ARHGAP5: variants seen among roughly 807,000 people sequenced by gnomAD.
ARHGAP5 encodes the protein Rho GTPase activating protein 5.
ARHGAP5 carries 23 observed loss-of-function variants against 116.6 expected under a neutral mutation model. The observed-to-expected ratio is 0.20, with a 90% CI of 0.14 to 0.28. ARHGAP5 has a LOEUF of 0.28. ARHGAP5 is among the 10% of genes least tolerant of loss of function. ARHGAP5 has a pLI of 1.00. For synonymous variants in ARHGAP5, 574 were observed against 602.0 expected, an observed-to-expected ratio of 0.95 and a Z score of 0.68; for missense variants, 1,405 against 1,774.8, an observed-to-expected ratio of 0.79 and a Z score of 3.74.
Position 32,093,859 on chromosome 14 carries a change from G to A in ARHGAP5, c.3190G>A (p.Ala1064Thr). ...LDPNLLKTIE[A>T]GIGKNPRKQT... ...TCCAAACCTTTTAAAAACAATTGAA[G>A]CTGGTATTGGTAAAAATCCAAGAAA... Residue 1064 changes from alanine (A) to threonine (T), a missense_variant, in exon 2 of 7, where the codon GCT becomes ACT. This residue lies in a region of ARHGAP5 where 944 missense variants were observed against 1,095.3 expected (regional missense o/e 0.86). Coordinates refer to ENST00000345122, the MANE Select transcript of ARHGAP5 (RefSeq NM_001030055.2). 1 of 1,613,938 alleles carries A rather than the reference G, an allele frequency of 6.2e-7. No homozygotes were observed. The highest frequency in any genetic ancestry group is 8.5e-7 in the Non-Finnish European group (1 of 1,179,976).
chr14:32,099,158 T>A (rs1878676284), intron 2 of ARHGAP5, among the ~76,000 whole-genome samples: 1 of 152,134 alleles, frequency 6.6e-6, no homozygotes, highest in African/African-American at 2.4e-5. Flanking sequence ...TCTCCTATGT[T>A]TCTAGCTTGT....
At chr14:32,150,859 G>C (rs549399649) in intron 5 of ARHGAP5, among the ~76,000 whole-genome samples, 1 of 152,154 alleles carries the variant, frequency 6.6e-6, no homozygotes, top group African/African-American at 2.4e-5. Context: ...CTTTCATTCA[G>C]ATGTTTCCAC....
At chr14:32,122,029 A>G (rs922250665) in intron 3 of ARHGAP5, among the ~76,000 whole-genome samples, 3 of 152,124 alleles carry the variant, frequency 2.0e-5, no homozygotes, top group African/African-American at 7.2e-5. Flanking sequence ...GTGTGTGGAC[A>G]TATGTTTTCA....
At chr14:32,148,988 A>C (rs1164526409) in intron 4 of ARHGAP5, among the ~76,000 whole-genome samples, 1 of 152,218 alleles carries the variant, frequency 6.6e-6, no homozygotes, top group African/African-American at 2.4e-5. Flanking sequence ...ATTAGAATTT[A>C]TACAAATTGA....
chr14:32,130,016 T>C (rs1038994284), intron 3 of ARHGAP5, among the ~76,000 whole-genome samples: 1 of 151,928 alleles, frequency 6.6e-6, no homozygotes, highest in Non-Finnish European at 1.5e-5. Flanking sequence ...TGAGCCATGA[T>C]CACAGTACTG....
intron 3 of ARHGAP5, among the ~76,000 whole-genome samples, chr14:32,145,372 A>G (rs1881326967): frequency 6.6e-6 from 1 of 152,210 alleles, no homozygotes; most frequent in Non-Finnish European, 1.5e-5. Flanking sequence ...TGGCTTGAGT[A>G]GGGCAATTAT....
chr14:32,150,104 A>G (rs1405588058), intron 5 of ARHGAP5, 71 bp downstream of exon 5: 1 of 1,277,372 alleles, frequency 7.8e-7, no homozygotes, highest in African/African-American at 1.5e-5. Context: ...CTAAGTGTTA[A>G]AATCATCATG....
intron 3 of ARHGAP5, among the ~76,000 whole-genome samples, chr14:32,129,462 G>A (rs1880362507): frequency 6.6e-6 from 1 of 152,154 alleles, no homozygotes; most frequent in Non-Finnish European, 1.5e-5. Flanking sequence ...TGGTAAAAGT[G>A]GATTAGAAGG....
chr14:32,153,050 TG>T (rs1442263878), intron 6 of ARHGAP5, among the ~76,000 whole-genome samples: 52 of 90,514 alleles, frequency 5.7e-4, no homozygotes, highest in African/African-American at 1.5e-3. Context: ...TGGTTTTTTT[TG>T]TTTTTTTTTT....
chr14:32,115,319 A>G (rs895623186), intron 2 of ARHGAP5, among the ~76,000 whole-genome samples: 1 of 152,170 alleles, frequency 6.6e-6, no homozygotes, highest in Non-Finnish European at 1.5e-5. Context: ...TTGTCTTTTT[A>G]CTATCCTGAA....
chr14:32,120,080 C>T (rs1879806715), intron 3 of ARHGAP5, among the ~76,000 whole-genome samples: 1 of 151,986 alleles, frequency 6.6e-6, no homozygotes, highest in Non-Finnish European at 1.5e-5. Flanking sequence ...TGATTTCGAC[C>T]TGGAATTTGT....
At chr14:32,103,003 G>A (rs976927472) in intron 2 of ARHGAP5, among the ~76,000 whole-genome samples, 8 of 152,054 alleles carry the variant, frequency 5.3e-5, no homozygotes, top group Non-Finnish European at 1.2e-4. Context: ...CCAGACTTCT[G>A]GTTCTTTCTC....
At chr14:32,132,807 T>C (rs1311335975) in intron 3 of ARHGAP5, among the ~76,000 whole-genome samples, 1 of 152,212 alleles carries the variant, frequency 6.6e-6, no homozygotes, top group East Asian at 1.9e-4. Flanking sequence ...TACATATGGC[T>C]AGCCAGTTTT....
intron 5 of ARHGAP5, among the ~76,000 whole-genome samples, chr14:32,151,306 C>A (rs1055684927): frequency 1.3e-5 from 2 of 152,260 alleles, no homozygotes. Flanking sequence ...ACACTGGTCT[C>A]CAAAATAAGG....
intron 3 of ARHGAP5, 90 bp from the exon 4 acceptor site, chr14:32,146,173 A>G: frequency 2.1e-6 from 2 of 931,564 alleles, no homozygotes; most frequent in Non-Finnish European, 3.3e-6. Flanking sequence ...GGCCTCCCAG[A>G]GTGCTGGGAT....
At chr14:32,081,816 T>C (rs1394522348) in intron 1 of ARHGAP5, among the ~76,000 whole-genome samples, 2 of 152,218 alleles carry the variant, frequency 1.3e-5, no homozygotes, top group Non-Finnish European at 2.9e-5. Context: ...CAAAATTGTT[T>C]CTTTTTATAC....
At chr14:32,143,425 T>C (rs1444096723) in intron 3 of ARHGAP5, among the ~76,000 whole-genome samples, 3 of 152,122 alleles carry the variant, frequency 2.0e-5, no homozygotes, top group Admixed American at 6.5e-5. Flanking sequence ...TTTGTATTTT[T>C]AGTAGAGACA....
At chr14:32,083,704 A>G (rs2041801114) in intron 1 of ARHGAP5, among the ~76,000 whole-genome samples, 14 of 152,038 alleles carry the variant, frequency 9.2e-5, no homozygotes, top group Admixed American at 9.2e-4. Context: ...AGGTGCTCTC[A>G]TTTTAAAAAT....
chr14:32,085,341 A>G (rs750430554), intron 1 of ARHGAP5, among the ~76,000 whole-genome samples: 90 of 152,076 alleles, frequency 5.9e-4, no homozygotes, highest in Non-Finnish European at 1.2e-3. Flanking sequence ...TCCCAGCTAG[A>G]CAGGAGGCTG....
Sources: gnomAD v4.1 joint callset for allele counts (sites outside exome capture counted in the v4.1 genomes callset) on GRCh38, gnomAD v4.1.1 for gene constraint, gnomAD v4.1.1 regional missense constraint, MANE v1.5 for transcripts, NCBI Gene and HGNC (gene_info 2026-07-23, HGNC 2026-07-21) for gene names.